TCF25: variants seen among roughly 807,000 people sequenced by gnomAD.
TCF25 encodes ribosome quality control complex subunit TCF25.
Under a neutral mutation model 83.1 loss-of-function variants are expected in TCF25, and 41 were observed. The observed-to-expected ratio is 0.49, with a 90% CI of 0.38 to 0.64. The LOEUF (loss-of-function observed/expected upper bound fraction) is 0.64, where lower values mean the gene tolerates loss of function less well. Ranked by LOEUF, TCF25 falls within the 30% of genes least tolerant of loss-of-function variation. TCF25 has a pLI of 0.00. For synonymous variants in TCF25, 458 were observed against 365.0 expected, an observed-to-expected ratio of 1.25 and a Z score of -2.90; for missense variants, 979 against 914.5, an observed-to-expected ratio of 1.07 and a Z score of -0.91.
chr16:89,906,376 G>A (rs1321463345), intron 15 of TCF25, 92 bp downstream of exon 15: 11 of 1,306,252 alleles, frequency 8.4e-6, no homozygotes, highest in Admixed American at 5.9e-5. Context: ...GGCGTGCGTG[G>A]TGCGGGCTCC....
chr16:89,873,731 G>A lies in TCF25; in HGVS notation c.64G>A (p.Gly22Ser), dbSNP rs748679373. The A allele has an allele frequency of 1.2e-6, 2 of 1,607,108 alleles. No homozygotes were observed. The highest frequency in any genetic ancestry group is 8.5e-7 in the Non-Finnish European group (1 of 1,177,028). ...EQRGQEPLGP[G>S]ALHFDLRDDD... Reference sequence around the variant, plus strand: ...GCGCGGCCAGGAGCCCCTCGGGCCCGGCGCCTTGCATTTCGATCTCCGTGA... The same window carrying A: ...GCGCGGCCAGGAGCCCCTCGGGCCCAGCGCCTTGCATTTCGATCTCCGTGA... The change falls in exon 1 of 18, where the codon GGC becomes AGC. Residue 22 changes from glycine to serine, a missense_variant. Physicochemically the swap from Gly to Ser is moderately conservative, Grantham distance 56. Transcript: ENST00000263346.
chr16:89,891,656 G>C (rs1334221978), intron 5 of TCF25, among the ~76,000 whole-genome samples: 1 of 152,336 alleles, frequency 6.6e-6, no homozygotes, highest in East Asian at 1.9e-4. Context: ...AAAAGGCATG[G>C]AGCTGCTGTT....
Position 89,906,403 on chromosome 16 carries a change from C to T in TCF25, c.1719+119C>T, listed in dbSNP as rs1292557166. Reference sequence around the variant, plus strand: ...GCGGGCTCCCTCAGCAGCCCAGCCCCGCCACGGCAGGGGCAGGGTCTAGTG... The same window carrying T: ...GCGGGCTCCCTCAGCAGCCCAGCCCTGCCACGGCAGGGGCAGGGTCTAGTG... On this transcript the variant is annotated intron_variant, in intron 15 of 17. Coordinates refer to ENST00000263346, the MANE Select transcript of TCF25 (RefSeq NM_014972.3). 2.5e-5 allele frequency: 24 copies of T among 967,562 alleles called. 2 individuals carry two copies. Among genetic ancestry groups the T allele is most frequent in the African/African-American group, 9.6e-5 (6 of 62,222 alleles). 59.9% of individuals were successfully genotyped at this position (967,562 alleles called of 1,614,324 possible).
chr16:89,900,266 C>T (rs2044212291), intron 11 of TCF25, among the ~76,000 whole-genome samples: 1 of 134,542 alleles, frequency 7.4e-6, no homozygotes, highest in South Asian at 2.6e-4. Context: ...CGGCAGTGGG[C>T]TGCTCTCACA....
At chr16:89,898,698 G>A in intron 10 of TCF25, 49 bp downstream of exon 10, 1 of 1,611,358 alleles carries the variant, frequency 6.2e-7, no homozygotes, top group South Asian at 1.1e-5. Flanking sequence ...TGTCCTGGCT[G>A]CAGGCCCACT....
chr16:89,898,339 A>G (rs1567723274), intron 9 of TCF25, among the ~76,000 whole-genome samples: 3 of 148,752 alleles, frequency 2.0e-5, no homozygotes. Context: ...GGCGCTGAGC[A>G]GTGTGTGGGG....
In TCF25 at chr16:89,883,228, A is replaced by T. The variant is rs898945559; in HGVS notation, c.193-123A>T. 10 of 1,317,268 alleles carry T rather than the reference A, an allele frequency of 7.6e-6. No individual in the cohort carries two copies. The African/African-American group carries it at 1.3e-4, about 17-fold the overall frequency. The allele number at this position is 1,317,268 out of a possible 1,614,324, so 81.6% of individuals were successfully genotyped here. ...TCGGGTTCTTGCATCTTTCCCGTCC[A>T]GCGTCTCGCACTGACCCTGGGGGTC... On this transcript the variant is annotated intron_variant, in intron 1 of 17. Coordinates refer to ENST00000263346, the MANE Select transcript of TCF25 (RefSeq NM_014972.3).
rs1297346176 is a variant in TCF25, at chr16:89,883,853, C to T, written c.354+341C>T. ...TAGCCGACCGCGCACGTGTGTCCTTCCTAACTGTGCCCCGAACGTTTGCTT... is the reference window on the plus strand; with the variant it reads ...TAGCCGACCGCGCACGTGTGTCCTTTCTAACTGTGCCCCGAACGTTTGCTT... On this transcript the variant is annotated intron_variant, in intron 2 of 17. Coordinates refer to ENST00000263346, the MANE Select transcript of TCF25 (RefSeq NM_014972.3). The T allele has an allele frequency of 1.2e-5, 3 of 242,892 alleles. No homozygotes were observed. The East Asian group carries it at 2.6e-4, about 21-fold the overall frequency. The allele number at this position is 242,892 out of a possible 1,614,324, so 15.0% of individuals were successfully genotyped here.
At chr16:89,908,228 C>T (rs546417475) in intron 16 of TCF25, among the ~76,000 whole-genome samples, 5 of 141,966 alleles carry the variant, frequency 3.5e-5, no homozygotes, top group East Asian at 2.3e-4. Context: ...CGCCTCCCTC[C>T]TCTCAGTTCC....
intron 15 of TCF25, 21 bp from the exon 16 acceptor site, chr16:89,907,222 G>A (rs752037377): frequency 7.8e-5 from 126 of 1,612,150 alleles, no homozygotes; most frequent in Admixed American, 4.5e-4. Context: ...TAGCATCTTC[G>A]TTTTATGTCC....
At position 89,873,865 on chromosome 16, in the gene TCF25, G is replaced by A. The variant is rs1402373939; in HGVS notation, c.192+6G>A. The A allele has an allele frequency of 6.6e-7, 1 of 1,518,962 alleles. No homozygotes were observed. The highest frequency in any genetic ancestry group is 8.8e-7 in the Non-Finnish European group (1 of 1,133,484). The allele number at this position is 1,518,962 out of a possible 1,614,324, so 94.1% of individuals were successfully genotyped here. On this transcript the variant is annotated splice_donor_region_variant and intron_variant, in intron 1 of 17. Coordinates refer to ENST00000263346, the MANE Select transcript of TCF25 (RefSeq NM_014972.3). ...TCAACAACCGCTTCGAGCTGGTGAG[G>A]AGCGCGGCGGCCCGGGTGGGGGTGG...
At position 89,898,539 on chromosome 16, in the gene TCF25, G is replaced by C; in HGVS notation, c.1023-18G>C. Reference sequence around the variant, plus strand: ...CCTTTGTGTCGTTGTAATTCATGTGGAACTATTTTGGATCTAGGAGCTTCT... The same window carrying C: ...CCTTTGTGTCGTTGTAATTCATGTGCAACTATTTTGGATCTAGGAGCTTCT... On this transcript the variant is annotated intron_variant, in intron 9 of 17. Coordinates refer to ENST00000263346, the MANE Select transcript of TCF25 (RefSeq NM_014972.3). The C allele has an allele frequency of 1.3e-6, 2 of 1,589,394 alleles. No homozygotes were observed. The highest frequency in any genetic ancestry group is 1.7e-6 in the Non-Finnish European group (2 of 1,171,512).
intron 4 of TCF25, among the ~76,000 whole-genome samples, chr16:89,886,407 A>G (rs2043019814): frequency 6.6e-6 from 1 of 151,412 alleles, no homozygotes; most frequent in African/African-American, 2.4e-5. Context: ...CAGCCTGGGC[A>G]ACACTGCGAG....
chr16:89,908,667 A>T (rs1010820930), intron 16 of TCF25, among the ~76,000 whole-genome samples: 8 of 28,650 alleles, frequency 2.8e-4, no homozygotes, highest in East Asian at 4.4e-3. Context: ...CCCAGCTCCC[A>T]CCTCCCTCCT....
chr16:89,874,244 G>A (rs1312089088), intron 1 of TCF25, among the ~76,000 whole-genome samples: 4 of 152,088 alleles, frequency 2.6e-5, no homozygotes, highest in African/African-American at 4.8e-5. Context: ...GCCACGACGT[G>A]GGCGGGATTA....
Position 89,911,232 on chromosome 16 carries a change from G to T in TCF25, c.2025G>T (p.Trp675Cys). The T allele has an allele frequency of 6.2e-7, 1 of 1,612,314 alleles. No individual in the cohort carries two copies. Among genetic ancestry groups the T allele is most frequent in the Non-Finnish European group, 8.5e-7 (1 of 1,179,906 alleles). ...HEDDAEGEGE[W>C]D ...ACGACGCTGAGGGGGAGGGGGAGTG[G>T]GACTGAGCGTCCGCAGAGGTGACCG... Residue 675 changes from tryptophan to cysteine, a missense_variant, in exon 18 of 18, where the codon TGG (tryptophan) becomes TGT (cysteine). Physicochemically the swap from Trp to Cys is radical, Grantham distance 215 (BLOSUM62 -2). Transcript: ENST00000263346.
intron 15 of TCF25, among the ~76,000 whole-genome samples, chr16:89,906,608 C>T (rs1286592280): frequency 6.6e-6 from 1 of 152,202 alleles, no homozygotes; most frequent in Non-Finnish European, 1.5e-5. Context: ...TGTAGTCCTG[C>T]TCTGACGCCT....
chr16:89,880,961 C>T (rs2042561904), intron 1 of TCF25, among the ~76,000 whole-genome samples: 1 of 152,238 alleles, frequency 6.6e-6, no homozygotes, highest in Non-Finnish European at 1.5e-5. Flanking sequence ...TGAGAATCAC[C>T]ATCATGGTGC....
rs754051478 is a variant in TCF25 at position 89,911,204 on chromosome 16, A to T, written c.1997A>T (p.Glu666Val). ...FHLNDLEAPH[E>V]DDAEGEGEWD ...CTCAACGACCTGGAGGCGCCGCACG[A>T]GGACGACGCTGAGGGGGAGGGGGAG... Residue 666 changes from glutamate to valine, a missense_variant, in exon 18 of 18, where the codon GAG becomes GTG. Glu to Val is a moderately radical substitution (Grantham distance 121). Transcript: ENST00000263346. The T allele has an allele frequency of 3.4e-5, 55 of 1,612,344 alleles. 1 individual carries two copies. The highest frequency in any genetic ancestry group is 3.4e-4 in the Middle Eastern group (2 of 5,846).
Sources: allele counts gnomAD v4.1 joint callset (sites outside exome capture counted in the v4.1 genomes callset), GRCh38; gene constraint gnomAD v4.1.1; transcripts MANE v1.5; gene names NCBI Gene and HGNC (gene_info 2026-07-23, HGNC 2026-07-21).